The following TM9SF3 variants were observed in gnomAD, a reference collection of about 807,000 sequenced individuals.
TM9SF3 encodes the protein transmembrane 9 superfamily member 3.
In TM9SF3, 14 loss-of-function variants were observed where a neutral mutation model predicts 78.6. The ratio of observed to expected loss-of-function variants is 0.18; its 90% CI spans 0.12 to 0.28. The LOEUF (loss-of-function observed/expected upper bound fraction) is 0.28. TM9SF3 is among the 10% of genes least tolerant of loss of function. The pLI is 1.00. For synonymous variants in TM9SF3, 231 were observed against 241.7 expected (o/e 0.96, Z 0.41); for missense variants, 496 against 721.9 (o/e 0.69, Z 3.59).
Position 96,522,042 on chromosome 10 carries a change from T to A in TM9SF3, c.*221A>T, listed in dbSNP as rs1053514968. ...ATGTACTGTAGTAATGCCTACTGCATAAAATCCAAGCATTTGCTGTGAACA... is the reference window on the plus strand; with the variant it reads ...ATGTACTGTAGTAATGCCTACTGCAAAAAATCCAAGCATTTGCTGTGAACA... On this transcript the variant is annotated 3_prime_UTR_variant, in exon 15 of 15. Transcript: ENST00000371142. The A allele has an allele frequency of 3.7e-6, 2 of 533,782 alleles. No homozygotes were observed. Among genetic ancestry groups the A allele is most frequent in the Non-Finnish European group, 3.3e-6 (1 of 306,426 alleles). The allele number at this position is 533,782 out of a possible 1,614,324, so 33.1% of individuals were successfully genotyped here.
chr10:96,533,635 G>C (rs10882813), intron 9 of TM9SF3, among the ~76,000 whole-genome samples: 89,246 of 152,066 alleles, frequency 0.59, 27,918 homozygotes, highest in East Asian at 0.83. Context: ...ACTCAGAGAA[G>C]GATAAGTAAC....
At chr10:96,529,406 G>A (rs1203227241) in intron 11 of TM9SF3, among the ~76,000 whole-genome samples, 1 of 152,068 alleles carries the variant, frequency 6.6e-6, no homozygotes, top group Non-Finnish European at 1.5e-5. Flanking sequence ...TGAATGCTTT[G>A]GAAAGATTCA....
intron 1 of TM9SF3, among the ~76,000 whole-genome samples, chr10:96,584,651 C>T (rs1848609820): frequency 6.6e-6 from 1 of 152,050 alleles, no homozygotes; most frequent in Non-Finnish European, 1.5e-5. Context: ...CCCCTTTCTA[C>T]TAAAAATACA....
At chr10:96,566,938 T>C (rs1252674211) in intron 2 of TM9SF3, among the ~76,000 whole-genome samples, 1 of 152,178 alleles carries the variant, frequency 6.6e-6, no homozygotes, top group Non-Finnish European at 1.5e-5. Context: ...ACAGTGGCAG[T>C]AGGGTACCTC....
At chr10:96,548,991 C>G (rs894352840) in intron 7 of TM9SF3, among the ~76,000 whole-genome samples, 3 of 152,048 alleles carry the variant, frequency 2.0e-5, no homozygotes, top group Non-Finnish European at 2.9e-5. Context: ...CCTTATTCAT[C>G]TCTCCAAGAT....
Position 96,561,963 on chromosome 10 carries a change from T to C in TM9SF3, c.582+15A>G. The C allele has an allele frequency of 5.6e-6, 9 of 1,597,542 alleles. No homozygotes were observed. Among genetic ancestry groups the C allele is most frequent in the South Asian group, 1.1e-5 (1 of 88,892 alleles). On this transcript the variant is annotated intron_variant, in intron 4 of 14. Coordinates refer to ENST00000371142, the MANE Select transcript of TM9SF3 (RefSeq NM_020123.4). ...ACAAACACTACTTCCTACATTAAAC[T>C]ATTTGAATACTTACTGAATATGACA...
chr10:96,546,660 T>C (rs1848103992), intron 8 of TM9SF3, among the ~76,000 whole-genome samples: 2 of 152,182 alleles, frequency 1.3e-5, no homozygotes, highest in South Asian at 4.1e-4. Flanking sequence ...CAGGAACCCA[T>C]AGTGACACTC....
rs1178893918 is a variant in TM9SF3 at position 96,586,827 on chromosome 10, C to A, written c.9G>T (p.Pro3=). 8.1e-7 allele frequency: 1 copy of A among 1,230,402 alleles called. No homozygotes were observed. The allele number at this position is 1,230,402 out of a possible 1,614,324, so 76.2% of individuals were successfully genotyped here. Reference sequence around the variant, plus strand: ...CCGCCACGCCAAGAGCGCCAGGCAGCGGCCTCATCCTCCGCGCCCCTCCGG... The same window carrying A: ...CCGCCACGCCAAGAGCGCCAGGCAGAGGCCTCATCCTCCGCGCCCCTCCGG... MR[P]LPGALGVAAA... The change falls in exon 1 of 15, where the codon CCG becomes CCT. Residue 3 remains proline, a synonymous_variant. Coordinates refer to ENST00000371142, the MANE Select transcript of TM9SF3 (RefSeq NM_020123.4).
chr10:96,554,038 T>G (rs886825548), intron 5 of TM9SF3, among the ~76,000 whole-genome samples: 1 of 152,100 alleles, frequency 6.6e-6, no homozygotes, highest in Non-Finnish European at 1.5e-5. Flanking sequence ...TTTTGAGGTG[T>G]TTTTTCTCCT....
At chr10:96,586,182 A>C (rs1202778591) in intron 1 of TM9SF3, among the ~76,000 whole-genome samples, 1 of 152,184 alleles carries the variant, frequency 6.6e-6, no homozygotes, top group Non-Finnish European at 1.5e-5. Context: ...TCTTCAATTC[A>C]AGTTTATTAA....
chr10:96,544,556 G>A (rs748832950), intron 8 of TM9SF3, among the ~76,000 whole-genome samples: 27 of 152,004 alleles, frequency 1.8e-4, no homozygotes. Context: ...AAAGAGAAAG[G>A]GGTTTTAAAA....
chr10:96,536,928 T>TG (rs1278124538), intron 9 of TM9SF3, among the ~76,000 whole-genome samples: 3 of 152,220 alleles, frequency 2.0e-5, no homozygotes, highest in African/African-American at 7.2e-5. Context: ...CCTGAATAAC[T>TG]GGGACTACAG....
At chr10:96,555,030 T>G (rs2134146100) in intron 5 of TM9SF3, among the ~76,000 whole-genome samples, 1 of 152,186 alleles carries the variant, frequency 6.6e-6, no homozygotes, top group Admixed American at 6.5e-5. Context: ...GTTGGCCTTT[T>G]TTTTTTTTGG....
chr10:96,526,898 A>G (rs1304861410), intron 14 of TM9SF3, among the ~76,000 whole-genome samples: 1 of 152,132 alleles, frequency 6.6e-6, no homozygotes, highest in Non-Finnish European at 1.5e-5. Flanking sequence ...ATGTGCCTGT[A>G]GTCCCAGCTA....
At chr10:96,563,906 G>A (rs1848339882) in intron 3 of TM9SF3, among the ~76,000 whole-genome samples, 1 of 151,624 alleles carries the variant, frequency 6.6e-6, no homozygotes, top group Admixed American at 6.6e-5. Flanking sequence ...CCCCAAACAG[G>A]GCATATTCTA....
chr10:96,521,117 TAAAC>T lies in TM9SF3; in HGVS notation c.*1142_*1145del, dbSNP rs1310073156. On this transcript the variant is annotated 3_prime_UTR_variant, in exon 15 of 15. Transcript: ENST00000371142. ...TGGCTCCTGTAGGAGTCTCAGAAAATAAACAGAAGAAAACAACCCCCCTCCCAAA... is the reference window on the plus strand; with the variant it reads ...TGGCTCCTGTAGGAGTCTCAGAAAATAGAAGAAAACAACCCCCCTCCCAAA... The T allele has an allele frequency of 2.6e-6, 1 of 379,602 alleles. No individual in the cohort carries two copies. The allele number at this position is 379,602 out of a possible 1,614,324, so 23.5% of individuals were successfully genotyped here.
chr10:96,521,396 A>G lies in TM9SF3; in HGVS notation c.*867T>C, dbSNP rs1268031949. 2 of 152,566 alleles carry G rather than the reference A, an allele frequency of 1.3e-5. No individual in the cohort carries two copies. Among genetic ancestry groups the G allele is most frequent in the Non-Finnish European group, 2.9e-5 (2 of 68,030 alleles). 9.5% of individuals were successfully genotyped at this position (152,566 alleles called of 1,614,324 possible). ...TATGTAAAACCTTCATTCAAACCCA[A>G]AAGATTTAAGACTAACTTGGGGGGA... On this transcript the variant is annotated 3_prime_UTR_variant, in exon 15 of 15. Transcript: ENST00000371142.
chr10:96,577,600 G>T (rs759881936), intron 1 of TM9SF3: 12 of 152,136 alleles, frequency 7.9e-5, no homozygotes, highest in Non-Finnish European at 1.8e-4. Flanking sequence ...TATGGAAACT[G>T]ATTACCATGG....
intron 14 of TM9SF3, among the ~76,000 whole-genome samples, chr10:96,525,578 T>C (rs1261481584): frequency 6.6e-6 from 1 of 151,940 alleles, no homozygotes; most frequent in African/African-American, 2.4e-5. Context: ...TTTAATAAGA[T>C]TACCATATCT....
Sources: gnomAD v4.1 joint callset for allele counts (sites outside exome capture counted in the v4.1 genomes callset) on GRCh38, gnomAD v4.1.1 for gene constraint, MANE v1.5 for transcripts, NCBI Gene and HGNC (gene_info 2026-07-23, HGNC 2026-07-21) for gene names.